ADAMTSL1: variants seen among roughly 807,000 people sequenced by gnomAD.
ADAMTSL1 encodes the protein ADAMTS like 1.
In ADAMTSL1, 126 loss-of-function variants were observed where a neutral mutation model predicts 201.8. That is an observed-to-expected ratio of 0.62 (90% CI 0.54 to 0.72). ADAMTSL1 has a LOEUF of 0.72. Among genes scored for constraint, ADAMTSL1 ranks in the 30% least tolerant of loss-of-function variants. The pLI, the probability that ADAMTSL1 is intolerant of heterozygous loss-of-function variation, is 0.00. For synonymous variants in ADAMTSL1, 1,121 were observed against 903.4 expected (o/e 1.24, Z -4.32); for missense variants, 2,679 against 2,277.8 (o/e 1.18, Z -3.59).
In ADAMTSL1 at chr9:18,446,971, A is replaced by AT. The variant is rs375285785; in HGVS notation, c.208-57847dup. Among the ~76,000 whole-genome samples the AT allele has an allele frequency of 7.6e-3, 1,129 of 148,630 alleles. 31 individuals are homozygous for AT. Among genetic ancestry groups the AT allele is most frequent in the African/African-American group, 0.026 (1,055 of 40,638 alleles). On this transcript the variant is annotated intron_variant, in intron 2 of 29. Coordinates refer to the ADAMTSL1 transcript ENST00000680146. ...TTTAAAATTTCAAATTAACATGAAC[A>AT]TTTTTTTTTTTAAACAAAACTTTCC... is the stretch of plus-strand genomic sequence containing the variant.
At chr9:17,949,150 A>C (rs1284269507) in intron 1 of ADAMTSL1, among the ~76,000 whole-genome samples, 3 of 152,250 alleles carry the variant, frequency 2.0e-5, no homozygotes, top group Non-Finnish European at 2.9e-5. Context: ...CTTAAAATAC[A>C]CATAAAGCCT....
chr9:18,775,057 TTTTA>T (rs200264799), intron 17 of ADAMTSL1, among the ~76,000 whole-genome samples: 11,975 of 152,238 alleles, frequency 0.079, 648 homozygotes, highest in East Asian at 0.13. Flanking sequence ...TGTCTTTTTT[TTTTA>T]TTATTATTAT....
chr9:18,109,295 C>T (rs1402115388), intron 1 of ADAMTSL1, among the ~76,000 whole-genome samples: 1 of 152,108 alleles, frequency 6.6e-6, no homozygotes, highest in East Asian at 1.9e-4. Flanking sequence ...GGTAGATCTG[C>T]CAGGAATCCC....
intron 1 of ADAMTSL1, among the ~76,000 whole-genome samples, chr9:18,131,579 C>T (rs957784954): frequency 6.6e-6 from 1 of 152,180 alleles, no homozygotes; most frequent in Non-Finnish European, 1.5e-5. Flanking sequence ...CTCTTCTTGA[C>T]ATTTTCTCTC....
rs911942381 is a variant in ADAMTSL1 at position 18,829,843 on chromosome 9, A to T, written c.4115A>T (p.Asp1372Val). Residue 1372 changes from aspartate to valine, a missense_variant and splice_region_variant, in exon 23 of 29, where the codon GAT (aspartate) becomes GTT (valine). Asp to Val is a radical substitution (Grantham distance 152). Coordinates refer to ENST00000380548, the MANE Select transcript of ADAMTSL1 (RefSeq NM_001040272.6). ...LTESTQLLIL[D>V]PPQVPTQLED... is the part of the protein sequence containing the mutation. ...TGATCCACCCTCTGCCTTCTCACAGATCCCCCCCAAGTCCCCACACAGTTG... is the reference window on the plus strand; with the variant it reads ...TGATCCACCCTCTGCCTTCTCACAGTTCCCCCCCAAGTCCCCACACAGTTG... 1 of 1,613,724 alleles carries T rather than the reference A, an allele frequency of 6.2e-7. No individual in the cohort carries two copies. The highest frequency in any genetic ancestry group is 1.3e-5 in the African/African-American group (1 of 74,866).
chr9:18,855,889 T>C (rs1043855246), intron 23 of ADAMTSL1, among the ~76,000 whole-genome samples: 29 of 152,218 alleles, frequency 1.9e-4, no homozygotes, highest in African/African-American at 6.0e-4. Flanking sequence ...CAAGCCTGTG[T>C]GTCTGATGTC....
intron 4 of ADAMTSL1, among the ~76,000 whole-genome samples, chr9:18,581,099 G>A (rs931194324): frequency 4.6e-5 from 7 of 151,990 alleles, no homozygotes; most frequent in Non-Finnish European, 1.0e-4. Flanking sequence ...TTTCTCTGAG[G>A]CTCTGGGTGG....
At chr9:18,757,514 C>T (rs551812913) in intron 16 of ADAMTSL1, among the ~76,000 whole-genome samples, 342 of 151,996 alleles carry the variant, frequency 2.3e-3, no homozygotes, top group Non-Finnish European at 3.6e-3. Flanking sequence ...CTTGTTCAGG[C>T]CTTCATCCCT....
chr9:18,306,672 C>T lies in ADAMTSL1; in HGVS notation c.207+142691C>T, dbSNP rs146516466. 8.8e-3 allele frequency among the ~76,000 whole-genome samples: 1,336 copies of T among 152,210 alleles called. 24 individuals are homozygous for T. Among genetic ancestry groups the T allele is most frequent in the African/African-American group, 0.031 (1,284 of 41,540 alleles). On this transcript the variant is annotated intron_variant, in intron 2 of 29. Coordinates refer to the ADAMTSL1 transcript ENST00000680146. ...AAGAATGAAAAGGAACAAACAAAGC[C>T]TCCAAGAAATATGGGACTATGTGAA...
chr9:18,564,460 A>T (rs774328250), intron 3 of ADAMTSL1, among the ~76,000 whole-genome samples: 15 of 152,190 alleles, frequency 9.9e-5, no homozygotes, highest in Non-Finnish European at 5.9e-5. Flanking sequence ...CTATTCTGCC[A>T]TCTTGCCAGC....
At chr9:18,818,252 G>C (rs569568283) in intron 21 of ADAMTSL1, among the ~76,000 whole-genome samples, 178 of 152,122 alleles carry the variant, frequency 1.2e-3, no homozygotes, top group African/African-American at 4.2e-3. Flanking sequence ...ACAGTGGCAT[G>C]GCCACACCAA....
intron 20 of ADAMTSL1, 74 bp downstream of exon 20, chr9:18,795,598 C>T: frequency 1.4e-6 from 2 of 1,459,244 alleles, no homozygotes; most frequent in South Asian, 1.3e-5. Context: ...GTCAAACAGG[C>T]CCAGAGATGC....
chr9:18,393,402 T>C (rs1013415536), intron 2 of ADAMTSL1, among the ~76,000 whole-genome samples: 23 of 152,304 alleles, frequency 1.5e-4, no homozygotes, highest in Middle Eastern at 3.4e-3. Context: ...CCATCCCAGT[T>C]GTCTCAAGAC....
At chr9:18,308,088 T>C (rs1169730120) in intron 2 of ADAMTSL1, among the ~76,000 whole-genome samples, 1 of 152,128 alleles carries the variant, frequency 6.6e-6, no homozygotes, top group Non-Finnish European at 1.5e-5. Context: ...TGCTCCTGAA[T>C]GACTACTGGG....
rs543781942 is a variant in ADAMTSL1 at position 18,078,626 on chromosome 9, G to T, written c.88-85236G>T. ...ATATTTAAAGCTGTATCACTTTCTC[G>T]TGAGTATTTTTGTGGTTTTTTCTAG... On this transcript the variant is annotated intron_variant, in intron 1 of 29. Coordinates refer to the ADAMTSL1 transcript ENST00000680146. Among the ~76,000 whole-genome samples, 3 of 152,068 alleles carry T rather than the reference G, an allele frequency of 2.0e-5. 1 individual carries two copies. Among genetic ancestry groups the T allele is most frequent in the South Asian group, 4.1e-4 (2 of 4,830 alleles).
chr9:18,507,100 A>G (rs749647639), intron 2 of ADAMTSL1, among the ~76,000 whole-genome samples: 49 of 152,360 alleles, frequency 3.2e-4, no homozygotes, highest in Non-Finnish European at 1.5e-4. Context: ...CTATTTATAT[A>G]TGCCCTATCA....
chr9:18,263,446 C>G (rs1171528132), intron 2 of ADAMTSL1, among the ~76,000 whole-genome samples: 8 of 152,166 alleles, frequency 5.3e-5, no homozygotes, highest in African/African-American at 1.9e-4. Context: ...ATGTTGGCGT[C>G]ACCTGGTGTT....
rs569926714 is a variant in ADAMTSL1, at chr9:17,976,698, C to T, written c.87+69776C>T. Among the ~76,000 whole-genome samples, 641 of 151,468 alleles carry T rather than the reference C, an allele frequency of 4.2e-3. 6 individuals are homozygous for T. Among genetic ancestry groups the T allele is most frequent in the African/African-American group, 0.014 (589 of 41,304 alleles). ...TCTTTCTCACTCTCTCTCTTGCTCTCGCTCTCTCTCTCTCCCTCCCTCCCC... is the reference window on the plus strand; with the variant it reads ...TCTTTCTCACTCTCTCTCTTGCTCTTGCTCTCTCTCTCTCCCTCCCTCCCC... On this transcript the variant is annotated intron_variant, in intron 1 of 29. Transcript: ENST00000680146.
chr9:18,689,473 C>T (rs781179156), intron 13 of ADAMTSL1, among the ~76,000 whole-genome samples: 2 of 151,636 alleles, frequency 1.3e-5, no homozygotes, highest in Admixed American at 1.3e-4. Context: ...ACTAACAGGC[C>T]ACCTAATGCC....
Sources: gnomAD v4.1 joint callset for allele counts (sites outside exome capture counted in the v4.1 genomes callset) on GRCh38, gnomAD v4.1.1 for gene constraint, MANE v1.5 for transcripts, NCBI Gene and HGNC (gene_info 2026-07-23, HGNC 2026-07-21) for gene names.